The following ZNF385D variants were observed in gnomAD, a reference collection of about 807,000 sequenced individuals.
ZNF385D encodes the protein zinc finger protein 385D.
In ZNF385D, 15 loss-of-function variants were observed where a neutral mutation model predicts 35.8. That is an observed-to-expected ratio of 0.42 (90% CI 0.28 to 0.64). The LOEUF (loss-of-function observed/expected upper bound fraction) is 0.64, where lower values mean the gene tolerates loss of function less well. Ranked by LOEUF, ZNF385D falls within the 30% of genes least tolerant of loss-of-function variation. The pLI, the probability that ZNF385D is intolerant of heterozygous loss-of-function variation, is 0.23. For missense variants in ZNF385D, 474 were observed against 494.6 expected, an observed-to-expected ratio of 0.96 and a Z score of 0.39; for synonymous variants, 212 against 186.8, an observed-to-expected ratio of 1.13 and a Z score of -1.10.
At chr3:21,835,788 A>C (rs2125774662) in intron 3 of ZNF385D, among the ~76,000 whole-genome samples, 1 of 152,210 alleles carries the variant, frequency 6.6e-6, no homozygotes, top group East Asian at 1.9e-4. Context: ...AAAACAAAAA[A>C]TATTATTCTA....
chr3:22,136,359 G>T (rs923085179), intron 3 of ZNF385D, among the ~76,000 whole-genome samples: 1 of 150,690 alleles, frequency 6.6e-6, no homozygotes, highest in Non-Finnish European at 1.5e-5. Context: ...CTTTATTTCC[G>T]CCTGGGCGAC....
chr3:22,069,718 T>G (rs1218921788), intron 3 of ZNF385D, among the ~76,000 whole-genome samples: 4 of 152,308 alleles, frequency 2.6e-5, no homozygotes, highest in East Asian at 3.9e-4. Flanking sequence ...GGGCCCTTTT[T>G]TAGATGTGAA....
chr3:21,975,364 A>G (rs533693157), intron 3 of ZNF385D, among the ~76,000 whole-genome samples: 54 of 152,256 alleles, frequency 3.5e-4, no homozygotes, highest in African/African-American at 1.2e-3. Context: ...AAAACAATGC[A>G]ACTCATGGAG....
intron 1 of ZNF385D, among the ~76,000 whole-genome samples, chr3:21,746,221 C>T (rs995205070): frequency 2.0e-5 from 3 of 152,184 alleles, no homozygotes; most frequent in African/African-American, 7.2e-5. Flanking sequence ...CGTAACTTTG[C>T]AAGTCATCAT....
chr3:21,602,581 G>A (rs892343149), intron 2 of ZNF385D, among the ~76,000 whole-genome samples: 3 of 128,466 alleles, frequency 2.3e-5, no homozygotes, highest in South Asian at 2.5e-4. Context: ...GCCGGACTGC[G>A]GACTGCAGTG....
Position 22,070,543 on chromosome 3 carries a change from T to G in ZNF385D, c.325+98274A>C, listed in dbSNP as rs557899302. Among the ~76,000 whole-genome samples, 6 of 152,214 alleles carry G rather than the reference T, an allele frequency of 3.9e-5. No individual in the cohort carries two copies. The East Asian group carries it at 9.7e-4, about 24-fold the overall frequency. ...TAGGTTTCTATGAAAGTTCTTCCCA[T>G]CCTAGGACACACTGTGATGAAAGAT... On this transcript the variant is annotated intron_variant, in intron 3 of 5. Coordinates refer to the ZNF385D transcript ENST00000494108.
chr3:22,231,945 C>T (rs1029458796), intron 2 of ZNF385D, among the ~76,000 whole-genome samples: 2 of 152,092 alleles, frequency 1.3e-5, no homozygotes, highest in African/African-American at 4.8e-5. Flanking sequence ...CCTGCTCTGG[C>T]CATGGAAGAC....
intron 3 of ZNF385D, among the ~76,000 whole-genome samples, chr3:21,834,059 G>C (rs1695169837): frequency 6.6e-6 from 1 of 151,826 alleles, no homozygotes; most frequent in South Asian, 2.1e-4. Flanking sequence ...TGTGACCTTT[G>C]ATAGTTAAAC....
At chr3:21,865,216 G>A (rs753758290) in intron 3 of ZNF385D, among the ~76,000 whole-genome samples, 13 of 151,352 alleles carry the variant, frequency 8.6e-5, no homozygotes, top group Non-Finnish European at 1.8e-4. Flanking sequence ...ATGGGCTTCC[G>A]GATCCCTTAA....
chr3:22,308,498 C>T (rs917934785), intron 2 of ZNF385D, among the ~76,000 whole-genome samples: 5 of 151,752 alleles, frequency 3.3e-5, no homozygotes, highest in Admixed American at 2.0e-4. Flanking sequence ...CCTTGAATTC[C>T]ATTAAGTGAT....
chr3:22,159,484 T>C (rs575876976), intron 3 of ZNF385D, among the ~76,000 whole-genome samples: 125 of 152,158 alleles, frequency 8.2e-4, no homozygotes, highest in African/African-American at 2.6e-3. Context: ...AACCTCATCA[T>C]TGTCCTAGTA....
At chr3:21,941,093 C>A (rs1171814407) in intron 3 of ZNF385D, among the ~76,000 whole-genome samples, 3 of 152,178 alleles carry the variant, frequency 2.0e-5, no homozygotes, top group African/African-American at 7.2e-5. Context: ...CAATTTAACA[C>A]CTACTTTGTA....
chr3:22,325,496 A>T (rs1234513045), intron 2 of ZNF385D, among the ~76,000 whole-genome samples: 1 of 152,152 alleles, frequency 6.6e-6, no homozygotes, highest in African/African-American at 2.4e-5. Context: ...AGGCACGGTG[A>T]TGCACGCCTA....
At chr3:21,959,032 G>A (rs748868888) in intron 3 of ZNF385D, 1 of 152,110 alleles carries the variant, frequency 6.6e-6, no homozygotes, top group Admixed American at 6.6e-5. Context: ...CAGGTTTCTG[G>A]TATTTGTTGT....
intron 4 of ZNF385D, among the ~76,000 whole-genome samples, chr3:21,455,067 T>TG (rs1190656547): frequency 1.3e-5 from 2 of 152,136 alleles, no homozygotes; most frequent in Non-Finnish European, 2.9e-5. Context: ...TACAAGCCAC[T>TG]GCTCAATGAA....
chr3:22,362,702 C>T (rs1458327408), intron 2 of ZNF385D, among the ~76,000 whole-genome samples: 3 of 151,980 alleles, frequency 2.0e-5, no homozygotes, highest in African/African-American at 7.2e-5. Context: ...TAGAGTACTG[C>T]ATAGATCATA....
intron 2 of ZNF385D, among the ~76,000 whole-genome samples, chr3:22,357,760 TCA>T (rs1236231016): frequency 1.3e-5 from 2 of 151,762 alleles, no homozygotes; most frequent in African/African-American, 4.8e-5. Context: ...CTTTAGCAAA[TCA>T]CACACCAACT....
chr3:21,843,663 C>A (rs1473684075), intron 3 of ZNF385D, among the ~76,000 whole-genome samples: 2 of 151,920 alleles, frequency 1.3e-5, no homozygotes, highest in Non-Finnish European at 2.9e-5. Context: ...TTATCAATAG[C>A]AGGCATGTAT....
At chr3:21,614,151 T>A (rs993646314) in intron 2 of ZNF385D, among the ~76,000 whole-genome samples, 13 of 152,208 alleles carry the variant, frequency 8.5e-5, no homozygotes, top group African/African-American at 3.1e-4. Context: ...AATTCATTTC[T>A]CACAGTTCTG....
Sources: allele counts gnomAD v4.1 joint callset (sites outside exome capture counted in the v4.1 genomes callset), GRCh38; gene constraint gnomAD v4.1.1; transcripts MANE v1.5; gene names NCBI Gene and HGNC (gene_info 2026-07-23, HGNC 2026-07-21).